The following TCERG1L variants were observed in gnomAD, a reference collection of about 807,000 sequenced individuals.
The protein encoded by TCERG1L is transcription elongation regulator 1-like protein.
In TCERG1L, 37 loss-of-function variants were observed where a neutral mutation model predicts 56.3. That is an observed-to-expected ratio of 0.66 (90% CI 0.51 to 0.87). The LOEUF (loss-of-function observed/expected upper bound fraction) is 0.87. Among genes scored for constraint, TCERG1L ranks in the 40% least tolerant of loss-of-function variants. The probability of loss-of-function intolerance (pLI) is 0.00; values close to 1 mark genes in which losing one functional copy is unlikely to be tolerated. For missense variants in TCERG1L, 799 were observed against 774.2 expected (o/e 1.03, Z -0.38); for synonymous variants, 324 against 326.3 (o/e 0.99, Z 0.08).
intron 1 of TCERG1L, 84 bp from the exon 2 acceptor site, chr10:131,309,383 T>C (rs1215424738): frequency 2.0e-6 from 3 of 1,507,802 alleles, no homozygotes; most frequent in Non-Finnish European, 2.7e-6. Context: ...GAATAACTGC[T>C]TTGAAAAGGG....
chr10:131,254,043 G>A (rs887136765), intron 4 of TCERG1L, among the ~76,000 whole-genome samples: 1 of 152,180 alleles, frequency 6.6e-6, no homozygotes, highest in African/African-American at 2.4e-5. Context: ...TGCTGGAGCT[G>A]AGGCCTGAAC....
intron 3 of TCERG1L, among the ~76,000 whole-genome samples, chr10:131,290,645 A>AC (rs908528661): frequency 1.1e-4 from 17 of 152,140 alleles, no homozygotes; most frequent in African/African-American, 4.1e-4. Flanking sequence ...AAAAAAAAAA[A>AC]AAAAAAACCT....
chr10:131,286,161 CAGAAG>C (rs1564834131), intron 3 of TCERG1L, among the ~76,000 whole-genome samples: 2 of 152,140 alleles, frequency 1.3e-5, no homozygotes, highest in African/African-American at 4.8e-5. Context: ...TCCCTTAAAA[CAGAAG>C]AAATACTTGG....
At chr10:131,305,504 G>A (rs951180363) in intron 3 of TCERG1L, among the ~76,000 whole-genome samples, 4 of 151,954 alleles carry the variant, frequency 2.6e-5, no homozygotes, top group Admixed American at 6.6e-5. Context: ...CTCAACAAAC[G>A]ATCCAGTTCA....
rs193104282 is a variant in TCERG1L at position 131,163,139 on chromosome 10, C to T, written c.1017G>A (p.Pro339=). The part of the protein sequence containing the change: ...ARGNRPVAST[P]VPGSPWCVVW... ...TGTCTTACCAGGGGGATCCGGGCACCGGGGTGGAGGCCACTGGCCTGTTGC... is the reference window on the plus strand; with the variant it reads ...TGTCTTACCAGGGGGATCCGGGCACTGGGGTGGAGGCCACTGGCCTGTTGC... Residue 339 remains proline, a synonymous_variant, in exon 6 of 12, where the codon CCG becomes CCA. Coordinates refer to ENST00000368642, the MANE Select transcript of TCERG1L (RefSeq NM_174937.4). 1.5e-5 allele frequency: 23 copies of T among 1,578,866 alleles called. No homozygotes were observed. The highest frequency in any genetic ancestry group is 7.3e-5 in the Admixed American group (4 of 54,662).
At position 131,273,159 on chromosome 10, in the gene TCERG1L, G is replaced by A. The variant is rs116757417; in HGVS notation, c.671-12715C>T. Among the ~76,000 whole-genome samples, 246 of 152,278 alleles carry A rather than the reference G, an allele frequency of 1.6e-3. 2 individuals carry two copies. Among genetic ancestry groups the A allele is most frequent in the African/African-American group, 5.6e-3 (233 of 41,568 alleles). On this transcript the variant is annotated intron_variant, in intron 3 of 11. Transcript: ENST00000368642. ...CCCTTCCATTACCCTGGCCTAGGTC[G>A]GGTCCCTGCCCCATGGCAATGGGTC...
intron 4 of TCERG1L, among the ~76,000 whole-genome samples, chr10:131,175,765 T>C (rs1168213345): frequency 6.6e-6 from 1 of 152,122 alleles, no homozygotes; most frequent in African/African-American, 2.4e-5. Flanking sequence ...AGTAGGACTT[T>C]ACCCCAACCT....
chr10:131,310,277 C>T (rs111258243), intron 1 of TCERG1L, among the ~76,000 whole-genome samples: 10 of 152,230 alleles, frequency 6.6e-5, no homozygotes, highest in African/African-American at 4.8e-5. Context: ...CTCCAAAATA[C>T]GGCAAAAACT....
At chr10:131,294,376 G>A (rs1846666467) in intron 3 of TCERG1L, among the ~76,000 whole-genome samples, 1 of 152,090 alleles carries the variant, frequency 6.6e-6, no homozygotes, top group South Asian at 2.1e-4. Context: ...AATCTCTGAT[G>A]AGCCACTTCT....
intron 4 of TCERG1L, among the ~76,000 whole-genome samples, chr10:131,203,809 C>A (rs1845482786): frequency 6.6e-6 from 1 of 152,218 alleles, no homozygotes. Context: ...TCCCTAGCCA[C>A]TTTCCACTTC....
intron 8 of TCERG1L, among the ~76,000 whole-genome samples, chr10:131,120,085 G>A (rs2133392961): frequency 6.6e-6 from 1 of 152,224 alleles, no homozygotes; most frequent in African/African-American, 2.4e-5. Flanking sequence ...CCTAAGCAGG[G>A]GTGCTCTCTT....
intron 4 of TCERG1L, among the ~76,000 whole-genome samples, chr10:131,245,114 G>T (rs1261253382): frequency 6.6e-6 from 1 of 152,214 alleles, no homozygotes; most frequent in Non-Finnish European, 1.5e-5. Flanking sequence ...CACAGATCTT[G>T]GCTGATGGGA....
rs573458882 is a variant in TCERG1L at position 131,104,273 on chromosome 10, G to A, written c.1477C>T (p.Arg493Ter). Reference protein sequence around the residue: ...PRYLLLNSEERKQIFEQFVKT... With the variant: ...PRYLLLNSEE ...CCTTCCCACCCAGTTACCTGCTTTC[G>A]TTCCTCAGAGTTGAGCAGGAGATAG... Residue 493 changes from arginine to a stop codon, truncating the protein, a stop_gained, in exon 10 of 12, where the codon CGA becomes TGA. Coordinates refer to ENST00000368642, the MANE Select transcript of TCERG1L (RefSeq NM_174937.4). LOFTEE classifies it high-confidence loss of function. 2 of 1,548,014 alleles carry A rather than the reference G, an allele frequency of 1.3e-6. No individual in the cohort carries two copies. Among genetic ancestry groups the A allele is most frequent in the Admixed American group, 3.9e-5 (2 of 50,876 alleles).
chr10:131,206,468 A>G (rs1309490139), intron 4 of TCERG1L, among the ~76,000 whole-genome samples: 1 of 152,210 alleles, frequency 6.6e-6, no homozygotes, highest in Non-Finnish European at 1.5e-5. Context: ...AAGGGGCACG[A>G]GGAGAGGCAG....
intron 11 of TCERG1L, among the ~76,000 whole-genome samples, chr10:131,097,126 C>T (rs967079908): frequency 8.1e-5 from 12 of 148,120 alleles, no homozygotes; most frequent in Non-Finnish European, 1.3e-4. Flanking sequence ...GCTTGAACCC[C>T]GGAGGCAAAG....
intron 4 of TCERG1L, among the ~76,000 whole-genome samples, chr10:131,253,293 C>T (rs966931155): frequency 4.5e-4 from 69 of 152,238 alleles, no homozygotes; most frequent in African/African-American, 1.6e-3. Context: ...GGAAAATCCT[C>T]GGAAAAGGAT....
At chr10:131,116,087 T>C (rs1845456842) in intron 9 of TCERG1L, among the ~76,000 whole-genome samples, 1 of 152,162 alleles carries the variant, frequency 6.6e-6, no homozygotes, top group Non-Finnish European at 1.5e-5. Flanking sequence ...CCTTATTTTG[T>C]AAGGAAATCC....
chr10:131,120,583 CAG>C (rs1845502363), intron 8 of TCERG1L, among the ~76,000 whole-genome samples: 1 of 152,236 alleles, frequency 6.6e-6, no homozygotes, highest in African/African-American at 2.4e-5. Flanking sequence ...TCAGTTTCCC[CAG>C]CCAGGCTGAG....
At chr10:131,218,945 C>T (rs1307077798) in intron 4 of TCERG1L, among the ~76,000 whole-genome samples, 2 of 152,132 alleles carry the variant, frequency 1.3e-5, no homozygotes, top group Non-Finnish European at 2.9e-5. Flanking sequence ...CAGCTCCCTC[C>T]GGCCCCTCAG....
Sources: allele counts gnomAD v4.1 joint callset (sites outside exome capture counted in the v4.1 genomes callset), GRCh38; gene constraint gnomAD v4.1.1; transcripts MANE v1.5; gene names NCBI Gene and HGNC (gene_info 2026-07-23, HGNC 2026-07-21).